Variants in DPYD observed in about 807,000 individuals in gnomAD.
DPYD encodes dihydropyrimidine dehydrogenase.
Under a neutral mutation model 116.2 loss-of-function variants are expected in DPYD, and 109 were observed. The observed-to-expected ratio is 0.94, with a 90% CI of 0.80 to 1.10. The LOEUF (loss-of-function observed/expected upper bound fraction) is 1.10, where lower values mean the gene tolerates loss of function less well. Among genes scored for constraint, DPYD ranks in the 50% least tolerant of loss-of-function variants. The pLI is 0.00. For missense variants in DPYD, 1,302 were observed against 1,254.5 expected (o/e 1.04, Z -0.57); for synonymous variants, 440 against 432.0 (o/e 1.02, Z -0.23).
intron 16 of DPYD, among the ~76,000 whole-genome samples, chr1:97,337,518 C>T (rs1052890830): frequency 6.6e-6 from 1 of 152,152 alleles, no homozygotes; most frequent in East Asian, 1.9e-4. Context: ...TCACCTAGGC[C>T]TCCTAAGACA....
At chr1:97,097,929 T>A (rs1650384341) in intron 21 of DPYD, among the ~76,000 whole-genome samples, 1 of 152,150 alleles carries the variant, frequency 6.6e-6, no homozygotes, top group African/African-American at 2.4e-5. Context: ...TACATTTCTG[T>A]CAAAATGAAA....
chr1:97,747,275 T>C (rs1285443005), intron 3 of DPYD, among the ~76,000 whole-genome samples: 1 of 152,124 alleles, frequency 6.6e-6, no homozygotes, highest in Non-Finnish European at 1.5e-5. Context: ...TCCTGCCCAG[T>C]AGATATGTTG....
intron 5 of DPYD, among the ~76,000 whole-genome samples, chr1:97,709,664 T>C (rs1415764924): frequency 1.3e-5 from 2 of 151,778 alleles, no homozygotes; most frequent in Admixed American, 6.6e-5. Context: ...CACAGGATTT[T>C]CCCCCAAGTC....
At chr1:97,222,685 TA>T (rs1660855667) in intron 19 of DPYD, among the ~76,000 whole-genome samples, 1 of 152,106 alleles carries the variant, frequency 6.6e-6, no homozygotes, top group South Asian at 2.1e-4. Flanking sequence ...TTTTTTCTTA[TA>T]TATTATTGTG....
chr1:97,916,576 A>C (rs993234052), intron 1 of DPYD, among the ~76,000 whole-genome samples: 2 of 152,232 alleles, frequency 1.3e-5, no homozygotes, highest in African/African-American at 4.8e-5. Flanking sequence ...ATTCCAGCAC[A>C]CTTTACAATT....
At chr1:97,487,198 C>T (rs1160439416) in intron 13 of DPYD, among the ~76,000 whole-genome samples, 2 of 151,876 alleles carry the variant, frequency 1.3e-5, no homozygotes, top group African/African-American at 4.8e-5. Flanking sequence ...GAGAATTATA[C>T]ACCAGTGGAA....
At chr1:97,328,327 A>G (rs901611391) in intron 16 of DPYD, among the ~76,000 whole-genome samples, 1 of 152,194 alleles carries the variant, frequency 6.6e-6, no homozygotes, top group Non-Finnish European at 1.5e-5. Flanking sequence ...TAAATAATTA[A>G]GAAAGAGACA....
chr1:97,354,459 A>AC (rs1175656498), intron 16 of DPYD, among the ~76,000 whole-genome samples: 4 of 152,342 alleles, frequency 2.6e-5, no homozygotes, highest in African/African-American at 9.6e-5. Context: ...CCAAAGATAA[A>AC]ATATTTTGAA....
At chr1:97,256,489 T>C (rs929871011) in intron 18 of DPYD, among the ~76,000 whole-genome samples, 2 of 152,136 alleles carry the variant, frequency 1.3e-5, no homozygotes, top group Non-Finnish European at 2.9e-5. Context: ...TCATGAGATC[T>C]GATGGTTTCA....
At chr1:97,419,666 A>AT (rs888481383) in intron 14 of DPYD, among the ~76,000 whole-genome samples, 1 of 152,116 alleles carries the variant, frequency 6.6e-6, no homozygotes, top group African/African-American at 2.4e-5. Flanking sequence ...ATAAAAATAT[A>AT]TTTTTTATAC....
At chr1:97,866,854 C>A (rs1362788298) in intron 2 of DPYD, among the ~76,000 whole-genome samples, 3 of 151,666 alleles carry the variant, frequency 2.0e-5, no homozygotes, top group Non-Finnish European at 4.4e-5. Flanking sequence ...TGCCTTGAGG[C>A]AGAAGGCCGC....
At chr1:97,254,035 T>C (rs560620817) in intron 18 of DPYD, among the ~76,000 whole-genome samples, 1 of 152,120 alleles carries the variant, frequency 6.6e-6, no homozygotes, top group Admixed American at 6.6e-5. Flanking sequence ...ATTAAGGCTT[T>C]TATTAATATT....
At chr1:97,163,652 C>T (rs886335817) in intron 20 of DPYD, among the ~76,000 whole-genome samples, 4 of 152,280 alleles carry the variant, frequency 2.6e-5, no homozygotes, top group East Asian at 3.9e-4. Flanking sequence ...GAAATGAATG[C>T]TCTGTCCTCA....
chr1:97,797,148 A>G (rs1667611726), intron 3 of DPYD: 1 of 152,098 alleles, frequency 6.6e-6, no homozygotes, highest in Admixed American at 6.6e-5. Context: ...AAATACAAAA[A>G]TGTAATACAT....
intron 12 of DPYD, among the ~76,000 whole-genome samples, chr1:97,541,466 T>A (rs1025737697): frequency 3.9e-5 from 6 of 152,146 alleles, no homozygotes; most frequent in African/African-American, 1.2e-4. Flanking sequence ...GTACCACTTT[T>A]AAAAATGAAA....
intron 14 of DPYD, among the ~76,000 whole-genome samples, chr1:97,396,400 T>C (rs1419723400): frequency 6.7e-6 from 1 of 150,322 alleles, no homozygotes; most frequent in Admixed American, 6.6e-5. Context: ...TTATAGATGG[T>C]TAATTTTATT....
chr1:97,362,645 A>G (rs1670798398), intron 16 of DPYD, among the ~76,000 whole-genome samples: 1 of 152,118 alleles, frequency 6.6e-6, no homozygotes, highest in African/African-American at 2.4e-5. Flanking sequence ...CAGAAATAAC[A>G]TCACACATCT....
At chr1:97,317,632 A>G (rs1032627598) in intron 16 of DPYD, among the ~76,000 whole-genome samples, 1 of 152,018 alleles carries the variant, frequency 6.6e-6, no homozygotes, top group African/African-American at 2.4e-5. Context: ...TTAGAAAACA[A>G]CCACAAGCAT....
intron 1 of DPYD, among the ~76,000 whole-genome samples, chr1:97,903,456 A>G (rs1055681109): frequency 6.6e-6 from 1 of 152,014 alleles, no homozygotes; most frequent in South Asian, 2.1e-4. Context: ...TATCAATTCC[A>G]AATTTGAGTT....
Sources: gnomAD v4.1 joint callset for allele counts (sites outside exome capture counted in the v4.1 genomes callset) on GRCh38, gnomAD v4.1.1 for gene constraint, MANE v1.5 for transcripts, NCBI Gene and HGNC (gene_info 2026-07-23, HGNC 2026-07-21) for gene names.